Variants in ENOSF1 observed in about 807,000 individuals in gnomAD.
ENOSF1 encodes the protein mitochondrial enolase superfamily member 1.
Under a neutral mutation model 68.2 loss-of-function variants are expected in ENOSF1, and 73 were observed. The ratio of observed to expected loss-of-function variants is 1.07; its 90% CI spans 0.89 to 1.30. The LOEUF is 1.30. ENOSF1 is among the 50% of genes most tolerant of loss of function. The pLI is 0.00. For synonymous variants in ENOSF1, 223 were observed against 210.4 expected (o/e 1.06, Z -0.52); for missense variants, 589 against 554.5 (o/e 1.06, Z -0.62).
At chr18:706,319 A>T in intron 2 of ENOSF1, 151 bp downstream of exon 2, 1 of 528,276 alleles carries the variant, frequency 1.9e-6, no homozygotes. Flanking sequence ...ACAAACCATG[A>T]AACTTTTTAC....
chr18:702,946 A>C (rs942446154), intron 2 of ENOSF1, among the ~76,000 whole-genome samples: 3 of 152,150 alleles, frequency 2.0e-5, no homozygotes, highest in African/African-American at 4.8e-5. Context: ...TTTAAATCAT[A>C]AACAGATGAT....
intron 13 of ENOSF1, 38 bp from the exon 14 acceptor site, chr18:677,482 G>A (rs762192137): frequency 2.0e-5 from 31 of 1,566,980 alleles, no homozygotes; most frequent in South Asian, 2.3e-5. Context: ...CCAAGAGTAG[G>A]GCAGGGAGAG....
At chr18:668,991 G>GT, downstream of ENOSF1, 1 of 1,190,340 alleles carries the variant, frequency 8.4e-7, no homozygotes, top group Non-Finnish European at 1.2e-6. Context: ...GTAAGAGACT[G>GT]TAATAGATGA....
chr18:669,243 A>C (rs571251402), downstream of ENOSF1: 578 of 1,380,526 alleles, frequency 4.2e-4, 9 homozygotes, highest in South Asian at 6.8e-3. Flanking sequence ...GGTTTTGTGC[A>C]GAGGCACCTG....
At chr18:709,942 T>C (rs555880828) in intron 1 of ENOSF1, among the ~76,000 whole-genome samples, 40 of 152,292 alleles carry the variant, frequency 2.6e-4, no homozygotes, top group African/African-American at 8.9e-4. Flanking sequence ...CTCATTCTAA[T>C]AAGAAGGCAC....
chr18:670,884 AG>A lies in ENOSF1; in HGVS notation c.*3420del. 6.2e-7 allele frequency: 1 copy of A among 1,613,324 alleles called. No individual in the cohort carries two copies. Among genetic ancestry groups the A allele is most frequent in the Non-Finnish European group, 8.5e-7 (1 of 1,179,472 alleles). ...GGCCTGAAGGTGGGCTGTCTCGGGA[AG>A]GGTGACTTGCCAGCCTACCACACTG... On this transcript the variant is annotated 3_prime_UTR_variant, in exon 16 of 16. Coordinates refer to ENST00000647584, the MANE Select transcript of ENOSF1 (RefSeq NM_017512.7).
chr18:682,715 CAAAAAAAAAA>C (rs35814994), intron 11 of ENOSF1, among the ~76,000 whole-genome samples: 1 of 56,672 alleles, frequency 1.8e-5, no homozygotes, highest in Non-Finnish European at 3.9e-5. Flanking sequence ...CTAAAAATAC[CAAAAAAAAAA>C]AAAAAAAAAA....
chr18:689,004 A>ACCATGTGCCGACTGCATG (rs992486819), intron 8 of ENOSF1, among the ~76,000 whole-genome samples: 1 of 152,064 alleles, frequency 6.6e-6, no homozygotes, highest in Non-Finnish European at 1.5e-5. Context: ...TAATAAATCC[A>ACCATGTGCCGACTGCATG]CCATGTGCCG....
chr18:706,573 C>T lies in ENOSF1; in HGVS notation c.90G>A (p.Thr30=), dbSNP rs1439123943. The change falls in exon 2 of 16, where the codon ACG becomes ACA. Residue 30 remains threonine (T), a synonymous_variant. Transcript: ENST00000647584. The stretch of plus-strand genomic sequence containing the variant: ...CATAGGCAGCCGAGTAGTCAGGGTC[C>T]GTGTGCTGCAGGAGAAGAGTTCCCC... ...LGGHGADAMH[T]DPDYSAAYVV... is the part of the protein sequence containing the mutation. 18 of 1,612,626 alleles carry T rather than the reference C, an allele frequency of 1.1e-5. No individual in the cohort carries two copies. The highest frequency in any genetic ancestry group is 8.0e-5 in the African/African-American group (6 of 74,774).
downstream of ENOSF1, among the ~76,000 whole-genome samples, chr18:669,951 G>GA (rs1249211143): frequency 1.3e-5 from 2 of 151,748 alleles, no homozygotes; most frequent in Admixed American, 1.3e-4. Context: ...AACAGAGTGA[G>GA]ACCCTGAATA....
chr18:687,511 CAG>C (rs942690516), intron 9 of ENOSF1: 1 of 152,208 alleles, frequency 6.6e-6, no homozygotes, highest in African/African-American at 2.4e-5. Flanking sequence ...GCTCAGAGAC[CAG>C]AGTGGCTGCA....
At chr18:686,048 T>C (rs781602047) in intron 9 of ENOSF1, 40 bp from the exon 10 acceptor site, 1 of 1,484,932 alleles carries the variant, frequency 6.7e-7, no homozygotes. Flanking sequence ...GACCTGTACC[T>C]GGACTTGGCA....
downstream of ENOSF1, among the ~76,000 whole-genome samples, chr18:666,920 GA>G (rs369047244): frequency 2.1e-3 from 142 of 68,686 alleles, 10 homozygotes; most frequent in South Asian, 9.8e-3. Context: ...GATGGTGATG[GA>G]GATGGTGATG....
chr18:694,610 A>G (rs1306462569), intron 3 of ENOSF1, among the ~76,000 whole-genome samples: 7 of 151,182 alleles, frequency 4.6e-5, no homozygotes, highest in Admixed American at 4.6e-4. Context: ...CCTGGGCAAC[A>G]GAGCAAGACT....
At chr18:690,770 A>C in intron 7 of ENOSF1, 139 bp from the exon 8 acceptor site, 1 of 1,371,544 alleles carries the variant, frequency 7.3e-7, no homozygotes, top group Admixed American at 2.3e-5. Flanking sequence ...CCAGCCACAA[A>C]TTACTAGGAT....
intron 7 of ENOSF1, 191 bp from the exon 8 acceptor site, chr18:690,822 CT>C (rs2077081549): frequency 7.0e-6 from 10 of 1,433,434 alleles, no homozygotes; most frequent in Non-Finnish European, 9.2e-6. Flanking sequence ...GACTGCCCTG[CT>C]CCCCCAGGGC....
intron 2 of ENOSF1, among the ~76,000 whole-genome samples, chr18:699,124 T>A (rs1209254466): frequency 6.6e-6 from 1 of 152,102 alleles, no homozygotes; most frequent in Non-Finnish European, 1.5e-5. Context: ...CCTCCTGAAG[T>A]GTTGGGATTA....
chr18:689,717 AAC>A (rs1383817190), intron 8 of ENOSF1, among the ~76,000 whole-genome samples: 2 of 152,116 alleles, frequency 1.3e-5, no homozygotes, highest in Non-Finnish European at 2.9e-5. Context: ...CCTAACACAC[AAC>A]ACACAGCCCC....
At position 674,018 on chromosome 18, in the gene ENOSF1, T is replaced by C; in HGVS notation, c.*287A>G. The C allele has an allele frequency of 4.0e-6, 1 of 247,298 alleles. No individual in the cohort carries two copies. The highest frequency in any genetic ancestry group is 7.7e-6 in the Non-Finnish European group (1 of 129,766). The allele number at this position is 247,298 out of a possible 1,614,324, so 15.3% of individuals were successfully genotyped here. ...CATGTTGCTTATTTTCAAATTACAG[T>C]TTAATGTCTAGGTGCCAGCCCTTGA... On this transcript the variant is annotated 3_prime_UTR_variant, in exon 16 of 16. Coordinates refer to ENST00000647584, the MANE Select transcript of ENOSF1 (RefSeq NM_017512.7).
Sources: gnomAD v4.1 joint callset for allele counts (sites outside exome capture counted in the v4.1 genomes callset) on GRCh38, gnomAD v4.1.1 for gene constraint, MANE v1.5 for transcripts, NCBI Gene and HGNC (gene_info 2026-07-23, HGNC 2026-07-21) for gene names.